Variants in PDE1C observed in about 807,000 individuals in gnomAD.
The protein encoded by PDE1C is phosphodiesterase 1C.
In PDE1C, 62 loss-of-function variants were observed where a neutral mutation model predicts 93.1. The ratio of observed to expected loss-of-function variants is 0.67; its 90% CI spans 0.54 to 0.82. The LOEUF (loss-of-function observed/expected upper bound fraction) is 0.82, where lower values mean the gene tolerates loss of function less well. PDE1C is among the 40% of genes least tolerant of loss of function. The pLI is 0.00. For synonymous variants in PDE1C, 325 were observed against 310.1 expected, an observed-to-expected ratio of 1.05 and a Z score of -0.50; for missense variants, 742 against 884.6, an observed-to-expected ratio of 0.84 and a Z score of 2.04.
intron 14 of PDE1C, 38 bp from the exon 15 acceptor site, chr7:31,816,192 G>A: frequency 1.3e-6 from 2 of 1,580,338 alleles, no homozygotes; most frequent in Non-Finnish European, 1.7e-6. Flanking sequence ...ACAGAAAAGA[G>A]AAAAAGAGGT....
intron 1 of PDE1C, among the ~76,000 whole-genome samples, chr7:32,376,741 G>A (rs947809469): frequency 2.0e-5 from 3 of 152,116 alleles, no homozygotes; most frequent in Admixed American, 2.0e-4. Context: ...AGGCTGGAGG[G>A]CAGTGGCGCC....
the PDE1C span, among the ~76,000 whole-genome samples, chr7:31,631,433 TAGAA>T: frequency 6.6e-6 from 1 of 152,216 alleles, no homozygotes; most frequent in African/African-American, 2.4e-5. Flanking sequence ...CCTAAATACA[TAGAA>T]AGATTTTAGT....
At chr7:31,921,121 T>C (rs936943452) in intron 2 of PDE1C, among the ~76,000 whole-genome samples, 2 of 152,232 alleles carry the variant, frequency 1.3e-5, no homozygotes, top group African/African-American at 4.8e-5. Context: ...CTAACCCTTG[T>C]CTGGTGCATC....
chr7:31,723,078 A>C, the PDE1C span, among the ~76,000 whole-genome samples: 1 of 152,060 alleles, frequency 6.6e-6, no homozygotes, highest in Non-Finnish European at 1.5e-5. Context: ...CATATCAGCT[A>C]TTCTATTTTT....
chr7:32,062,075 T>A (rs1321843771), intron 1 of PDE1C, among the ~76,000 whole-genome samples: 1 of 152,132 alleles, frequency 6.6e-6, no homozygotes, highest in Non-Finnish European at 1.5e-5. Context: ...AGTCAGTATG[T>A]CCCACACTGA....
the PDE1C span, among the ~76,000 whole-genome samples, chr7:31,647,840 A>G: frequency 2.6e-5 from 4 of 152,142 alleles, no homozygotes; most frequent in African/African-American, 9.7e-5. Context: ...AATATATAAC[A>G]CTGCAGATAA....
intron 1 of PDE1C, among the ~76,000 whole-genome samples, chr7:32,059,282 G>A (rs747696579): frequency 5.9e-5 from 9 of 152,228 alleles, no homozygotes; most frequent in Non-Finnish European, 1.3e-4. Context: ...CTGAAGCAGA[G>A]ATGTAAATAA....
chr7:32,373,865 G>A (rs1343612227), intron 1 of PDE1C, among the ~76,000 whole-genome samples: 1 of 152,042 alleles, frequency 6.6e-6, no homozygotes, highest in Non-Finnish European at 1.5e-5. Flanking sequence ...GCGTATGCCC[G>A]TAATCCCAGC....
the PDE1C span, among the ~76,000 whole-genome samples, chr7:31,620,291 G>T: frequency 6.6e-6 from 1 of 152,022 alleles, no homozygotes; most frequent in East Asian, 1.9e-4. Context: ...ATCTGAGAAC[G>T]GGCAGACTGC....
At chr7:32,300,412 A>G (rs1812854051), upstream of PDE1C, among the ~76,000 whole-genome samples, 1 of 152,196 alleles carries the variant, frequency 6.6e-6, no homozygotes, top group Non-Finnish European at 1.5e-5. Context: ...ATATTTCAGC[A>G]TGCAGTCAGG....
chr7:31,963,436 T>G (rs1035927368), intron 2 of PDE1C, among the ~76,000 whole-genome samples: 2 of 152,220 alleles, frequency 1.3e-5, no homozygotes, highest in African/African-American at 4.8e-5. Flanking sequence ...CCCAGTTTAT[T>G]CAGTCTTTAT....
chr7:31,657,139 AT>A, the PDE1C span, among the ~76,000 whole-genome samples: 1 of 148,458 alleles, frequency 6.7e-6, no homozygotes, highest in Non-Finnish European at 1.5e-5. Flanking sequence ...AATATATATA[AT>A]CATATATAAA....
intron 6 of PDE1C, among the ~76,000 whole-genome samples, chr7:31,867,671 A>C (rs1161804424): frequency 6.6e-6 from 1 of 152,162 alleles, no homozygotes; most frequent in East Asian, 1.9e-4. Flanking sequence ...GAAGCCCCCA[A>C]TCCACTTGGC....
the PDE1C span, among the ~76,000 whole-genome samples, chr7:31,653,984 G>C: frequency 1.3e-5 from 2 of 148,258 alleles, no homozygotes; most frequent in Non-Finnish European, 3.0e-5. Flanking sequence ...TACTATTCTA[G>C]TGCTGGAGAC....
chr7:31,840,408 T>C (rs906730193), intron 9 of PDE1C, among the ~76,000 whole-genome samples: 5 of 152,156 alleles, frequency 3.3e-5, no homozygotes, highest in African/African-American at 9.7e-5. Flanking sequence ...ATTTCTCCAA[T>C]GTCTTGGCCT....
intron 14 of PDE1C, among the ~76,000 whole-genome samples, chr7:31,818,038 G>A (rs1444279261): frequency 6.6e-6 from 1 of 152,070 alleles, no homozygotes; most frequent in African/African-American, 2.4e-5. Flanking sequence ...GAGAAGGAGG[G>A]GCAAGAATAG....
chr7:32,282,511 T>TAGATAGATAGATAGATA (rs1304841647), intron 1 of PDE1C, among the ~76,000 whole-genome samples: 2 of 151,434 alleles, frequency 1.3e-5, no homozygotes, highest in Admixed American at 6.6e-5. Flanking sequence ...GATAGATAGA[T>TAGATAGATAGATAGATA]GGTCAATTAA....
rs1231002066 is a variant in PDE1C at position 31,751,390 on chromosome 7, A to T, written c.*1994T>A. 6.6e-6 allele frequency: 1 copy of T among 152,186 alleles called. No individual in the cohort carries two copies. The highest frequency in any genetic ancestry group is 1.5e-5 in the Non-Finnish European group (1 of 68,018). The allele number at this position is 152,186 out of a possible 1,614,324, so 9.4% of individuals were successfully genotyped here. On this transcript the variant is annotated 3_prime_UTR_variant, in exon 18 of 18. Coordinates refer to ENST00000396191, the MANE Select transcript of PDE1C (RefSeq NM_001191057.4). ...GTTCCCCAGGAACATGGCTTCCAAC[A>T]TCAAGAAGCACAGCCAAGAAAACAC...
the PDE1C span, chr7:31,653,035 C>T: frequency 6.8e-6 from 9 of 1,317,906 alleles, no homozygotes; most frequent in Middle Eastern, 2.7e-4. Context: ...CTAGTATGTG[C>T]CTGGCACAGA....
Sources: allele counts gnomAD v4.1 joint callset (sites outside exome capture counted in the v4.1 genomes callset), GRCh38; gene constraint gnomAD v4.1.1; transcripts MANE v1.5; gene names NCBI Gene and HGNC (gene_info 2026-07-23, HGNC 2026-07-21).